Variants in NCKAP5 observed in about 807,000 individuals in gnomAD.
NCKAP5 encodes the protein nck-associated protein 5.
Under a neutral mutation model 167.0 loss-of-function variants are expected in NCKAP5, and 92 were observed. The observed-to-expected ratio is 0.55, with a 90% confidence interval of 0.47 to 0.66. The LOEUF is 0.66. NCKAP5 is among the 30% of genes least tolerant of loss of function. The probability of loss-of-function intolerance (pLI) is 0.00; values close to 1 mark genes in which losing one functional copy is unlikely to be tolerated. For missense variants in NCKAP5, 2,378 were observed against 2,315.0 expected (o/e 1.03, Z -0.56); for synonymous variants, 891 against 877.4 (o/e 1.02, Z -0.27).
intron 3 of NCKAP5, among the ~76,000 whole-genome samples, chr2:133,515,200 T>C (rs1470094914): frequency 1.3e-5 from 2 of 152,282 alleles, no homozygotes; most frequent in East Asian, 1.9e-4. Context: ...CTTTCAATGG[T>C]TCCCATTCCC....
intron 3 of NCKAP5, among the ~76,000 whole-genome samples, chr2:133,376,449 A>T (rs985468181): frequency 6.6e-6 from 1 of 152,076 alleles, no homozygotes; most frequent in Admixed American, 6.5e-5. Context: ...TTGCTTCTAC[A>T]TTCTACATAC....
chr2:133,176,779 A>G (rs961875546), intron 5 of NCKAP5, among the ~76,000 whole-genome samples: 4 of 152,202 alleles, frequency 2.6e-5, no homozygotes, highest in Non-Finnish European at 5.9e-5. Flanking sequence ...TTTTTAAAAA[A>G]TCTATAAACA....
At chr2:132,870,880 C>T (rs1690761199) in intron 9 of NCKAP5, among the ~76,000 whole-genome samples, 1 of 151,630 alleles carries the variant, frequency 6.6e-6, no homozygotes, top group Non-Finnish European at 1.5e-5. Flanking sequence ...GATTAGAAGG[C>T]AATCACACCA....
chr2:133,335,443 T>G (rs1683148006), intron 3 of NCKAP5, among the ~76,000 whole-genome samples: 1 of 152,124 alleles, frequency 6.6e-6, no homozygotes, highest in South Asian at 2.1e-4. Context: ...CAAGCGAAAA[T>G]TTTGGATATT....
chr2:132,735,760 T>C (rs1691448749), intron 16 of NCKAP5, among the ~76,000 whole-genome samples: 1 of 152,158 alleles, frequency 6.6e-6, no homozygotes, highest in Non-Finnish European at 1.5e-5. Context: ...CCTTTTTCAT[T>C]TTGGCAATAG....
At chr2:132,903,294 C>T (rs1191049795) in intron 8 of NCKAP5, among the ~76,000 whole-genome samples, 1 of 152,224 alleles carries the variant, frequency 6.6e-6, no homozygotes, top group Non-Finnish European at 1.5e-5. Flanking sequence ...GGCTAAATGG[C>T]TACCATTTTG....
chr2:132,928,448 C>T (rs1696091121), intron 8 of NCKAP5, among the ~76,000 whole-genome samples: 1 of 152,242 alleles, frequency 6.6e-6, no homozygotes, highest in Middle Eastern at 3.4e-3. Flanking sequence ...CTGTGAAAAA[C>T]TCTATCTCTT....
chr2:133,229,882 C>A (rs187607348), intron 4 of NCKAP5, among the ~76,000 whole-genome samples: 45 of 152,218 alleles, frequency 3.0e-4, no homozygotes, highest in Admixed American at 7.2e-4. Context: ...AGACACTGTT[C>A]TGCTTGAGTT....
At chr2:133,637,447 T>C in the NCKAP5 span, among the ~76,000 whole-genome samples, 1 of 76,720 alleles carries the variant, frequency 1.3e-5, no homozygotes, top group Non-Finnish European at 2.3e-5. Context: ...AAGAGTAGAC[T>C]CTCCAGAACT....
chr2:133,243,404 G>GA (rs1249344522), intron 4 of NCKAP5, among the ~76,000 whole-genome samples: 1 of 152,136 alleles, frequency 6.6e-6, no homozygotes, highest in Non-Finnish European at 1.5e-5. Flanking sequence ...GCCCTCTCCT[G>GA]AAAAATACTT....
At chr2:132,962,640 G>C (rs1212476958) in intron 8 of NCKAP5, among the ~76,000 whole-genome samples, 2 of 152,100 alleles carry the variant, frequency 1.3e-5, no homozygotes, top group Non-Finnish European at 2.9e-5. Context: ...ACCCAGGCTG[G>C]AGTGCAGTGG....
intron 5 of NCKAP5, among the ~76,000 whole-genome samples, chr2:133,132,880 G>T (rs1338784299): frequency 6.6e-6 from 1 of 151,978 alleles, no homozygotes; most frequent in South Asian, 2.1e-4. Context: ...GTTTCTCGAT[G>T]TTAGCCAGGA....
chr2:132,691,061 T>C (rs1440353513), intron 19 of NCKAP5, among the ~76,000 whole-genome samples: 1 of 152,226 alleles, frequency 6.6e-6, no homozygotes, highest in East Asian at 1.9e-4. Context: ...CTGTATTGAA[T>C]TCCCTCTACT....
At chr2:132,707,704 C>T (rs139998580) in intron 19 of NCKAP5, among the ~76,000 whole-genome samples, 6 of 152,290 alleles carry the variant, frequency 3.9e-5, no homozygotes, top group African/African-American at 7.2e-5. Context: ...TGTCCAGAAA[C>T]GTGGCAGTGT....
intron 4 of NCKAP5, among the ~76,000 whole-genome samples, chr2:133,238,293 T>C (rs1014043347): frequency 1.3e-5 from 2 of 152,018 alleles, no homozygotes; most frequent in African/African-American, 4.8e-5. Context: ...TGGAGAGAAA[T>C]AGAATCAGTG....
chr2:132,863,894 T>C (rs1220497856), intron 10 of NCKAP5, among the ~76,000 whole-genome samples: 2 of 152,168 alleles, frequency 1.3e-5, no homozygotes, highest in East Asian at 1.9e-4. Flanking sequence ...AGAATGGATA[T>C]ATATAAACAA....
intron 3 of NCKAP5, among the ~76,000 whole-genome samples, chr2:133,367,159 C>A (rs946511943): frequency 6.6e-6 from 1 of 152,128 alleles, no homozygotes; most frequent in African/African-American, 2.4e-5. Context: ...ACAACAAAAC[C>A]CTTCCCAGCC....
At chr2:133,618,980 C>A in the NCKAP5 span, among the ~76,000 whole-genome samples, 3 of 146,086 alleles carry the variant, frequency 2.1e-5, no homozygotes, top group Admixed American at 1.4e-4. Flanking sequence ...CAGCCATAAA[C>A]AATGATGAGT....
intron 4 of NCKAP5, among the ~76,000 whole-genome samples, chr2:133,253,664 C>T (rs549377877): frequency 5.9e-5 from 9 of 152,108 alleles, no homozygotes; most frequent in Non-Finnish European, 1.2e-4. Context: ...AGCTAGGTGA[C>T]ATTTTAAAGA....
Sources: allele counts gnomAD v4.1 joint callset (sites outside exome capture counted in the v4.1 genomes callset), GRCh38; gene constraint gnomAD v4.1.1; transcripts MANE v1.5; gene names NCBI Gene and HGNC (gene_info 2026-07-23, HGNC 2026-07-21).